The following COL1A1 variants were observed in gnomAD, a reference collection of about 807,000 sequenced individuals.
The protein encoded by COL1A1 is collagen alpha-1(I) chain.
In COL1A1, 21 loss-of-function variants were observed where a neutral mutation model predicts 195.7. The observed-to-expected ratio is 0.11, with a 90% CI of 0.08 to 0.15. COL1A1 has a LOEUF of 0.15. Among genes scored for constraint, COL1A1 ranks in the 10% least tolerant of loss-of-function variants. The pLI is 1.00. For missense variants in COL1A1, 1,365 were observed against 2,051.0 expected (o/e 0.67, Z 6.46); for synonymous variants, 749 against 747.3 (o/e 1.00, Z -0.04).
chr17:50,198,281 T>G, intron 6 of COL1A1, 76 bp from the exon 7 acceptor site: 10 of 1,583,264 alleles, frequency 6.3e-6, no homozygotes. Flanking sequence ...TTCATGCCTG[T>G]TGGGACCACC....
Position 50,192,553 on chromosome 17 carries a change from A to T in COL1A1, c.1930-25T>A, listed in dbSNP as rs765544656. 5 of 1,613,994 alleles carry T rather than the reference A, an allele frequency of 3.1e-6. No homozygotes were observed. The South Asian group carries it at 4.4e-5, about 14-fold the overall frequency. ...CCTGTAGGTGGGAAATGGGGGAAGA[A>T]GGGAGGGAAGGTTTAGAATCTGGAA... is the stretch of plus-strand genomic sequence containing the variant. On this transcript the variant is annotated intron_variant, in intron 28 of 50. Coordinates refer to ENST00000225964, the MANE Select transcript of COL1A1 (RefSeq NM_000088.4).
chr17:50,199,500 A>G, intron 3 of COL1A1, 47 bp from the exon 4 acceptor site: 1 of 1,614,152 alleles, frequency 6.2e-7, no homozygotes, highest in Non-Finnish European at 8.5e-7. Context: ...TAGAGAAGGG[A>G]GGACTGTGAG....
At position 50,197,200 on chromosome 17, in the gene COL1A1, G is replaced by T; in HGVS notation, c.730C>A (p.Arg244Ser). 4 of 1,613,456 alleles carry T rather than the reference G, an allele frequency of 2.5e-6. No individual in the cohort carries two copies. Among genetic ancestry groups the T allele is most frequent in the Non-Finnish European group, 3.4e-6 (4 of 1,180,014 alleles). The change falls in exon 10 of 51, where the codon CGT becomes AGT. Residue 244 changes from arginine to serine, a missense_variant. Arg to Ser is a moderately radical substitution (Grantham distance 110). Around this residue, in one of 5 missense-constraint regions of COL1A1, gnomAD observed 226 missense variants for 372.9 expected, o/e 0.61. Transcript: ENST00000225964. ...CTCACCTGAGGCCCAGGAGGCCCAC[G>T]CTCACCAGGACGACCAGGTTTTCCA... ...EAGKPGRPGE[R>S]GPPGPQGARG...
chr17:50,186,367 TGGG>T lies in COL1A1; in HGVS notation c.3952_3954del (p.Pro1318del), dbSNP rs1451296434. On this transcript the variant is annotated inframe_deletion, in exon 49 of 51. Coordinates refer to ENST00000225964, the MANE Select transcript of COL1A1 (RefSeq NM_000088.4). This position sits in a 1 kb window ranked among gnomAD's most constrained non-coding sequence, Gnocchi z 5.3. Reference sequence around the variant, plus strand: ...CCGAACCAGACATGCCTCTTGTCCTTGGGGTTCTTGCTGATGTACCAGTTCTTC... The same window carrying T: ...CCGAACCAGACATGCCTCTTGTCCTTGTTCTTGCTGATGTACCAGTTCTTC... 1.7e-5 allele frequency: 28 copies of T among 1,614,110 alleles called. No homozygotes were observed. The highest frequency in any genetic ancestry group is 2.4e-5 in the Non-Finnish European group (28 of 1,180,042).
At position 50,197,019 on chromosome 17, in the gene COL1A1, C is replaced by T. The variant is rs1907651576; in HGVS notation, c.795G>A (p.Lys265=). 1.2e-6 allele frequency: 2 copies of T among 1,614,058 alleles called. No individual in the cohort carries two copies. Among genetic ancestry groups the T allele is most frequent in the Non-Finnish European group, 1.7e-6 (2 of 1,179,970 alleles). Residue 265 remains lysine (K), a synonymous_variant, in exon 11 of 51, where the codon AAG becomes AAA. Transcript: ENST00000225964. ...LPGTAGLPGM[K]GHRGFSGLDG... ...CTCAAAGGTGACTCACTCTGTGTCC[C>T]TTCATTCCAGGGAGGCCAGCTGTTC...
intron 11 of COL1A1, 42 bp downstream of exon 11, chr17:50,196,968 G>A: frequency 6.2e-7 from 1 of 1,606,636 alleles, no homozygotes; most frequent in Non-Finnish European, 8.5e-7. Flanking sequence ...ATGGGGGTAT[G>A]CTAGGGACTT....
rs1906831500 is a variant in COL1A1 at position 50,189,085 on chromosome 17, A to C, written c.2938-75T>G. 1.3e-6 allele frequency: 2 copies of C among 1,581,522 alleles called. No individual in the cohort carries two copies. The highest frequency in any genetic ancestry group is 2.2e-5 in the East Asian group (1 of 44,684). The stretch of plus-strand genomic sequence containing the variant: ...TGAGTCCGCTGGAGTCATCTCTACC[A>C]AATCTGTTCTCCTTGGCTCCGCCCC... On this transcript the variant is annotated intron_variant, in intron 40 of 50. Transcript: ENST00000225964. This position sits in a 1 kb window ranked among gnomAD's most constrained non-coding sequence, Gnocchi z 5.5.
intron 25 of COL1A1, chr17:50,193,681 CTA>C (rs529004847): frequency 3.3e-4 from 153 of 460,324 alleles, no homozygotes; most frequent in African/African-American, 2.9e-3. Context: ...CGTGGTTTCA[CTA>C]TGTTGGCCCG....
intron 45 of COL1A1, 75 bp downstream of exon 45, chr17:50,187,801 G>A (rs1175790814): frequency 7.4e-7 from 1 of 1,347,768 alleles, no homozygotes; most frequent in African/African-American, 1.5e-5. Context: ...TATCCAGAGG[G>A]GGAAACTGAG....
chr17:50,201,041 A>G (rs749890086), intron 1 of COL1A1, among the ~76,000 whole-genome samples: 1 of 151,942 alleles, frequency 6.6e-6, no homozygotes, highest in Non-Finnish European at 1.5e-5. Context: ...GAATCATCCC[A>G]CGGCCTTCCT....
chr17:50,198,817 G>A, intron 5 of COL1A1: 1 of 444,490 alleles, frequency 2.2e-6, no homozygotes, highest in Non-Finnish European at 4.1e-6. Context: ...ACATAATCCT[G>A]GACTGGATCC....
chr17:50,195,767 T>C lies in COL1A1; in HGVS notation c.1057-102A>G, dbSNP rs567603023. ...GGAGACAGGGACAGGAGAGCAATGA[T>C]CAGGACTCTAAGATCAGAGACGGAG... On this transcript the variant is annotated intron_variant, in intron 16 of 50. Transcript: ENST00000225964. This position sits in a 1 kb window ranked among gnomAD's most constrained non-coding sequence, Gnocchi z 4.3. 1 of 1,373,824 alleles carries C rather than the reference T, an allele frequency of 7.3e-7. No homozygotes were observed. The highest frequency in any genetic ancestry group is 1.0e-6 in the Non-Finnish European group (1 of 981,432). The allele number at this position is 1,373,824 out of a possible 1,614,324, so 85.1% of individuals were successfully genotyped here. A position where few individuals can be genotyped will look rare whatever the true frequency, so the allele number is the denominator to read the frequency against.
In COL1A1 at chr17:50,186,728, G is replaced by C. The variant is rs768572265; in HGVS notation, c.3726C>G (p.Ile1242Met). 5 of 1,613,808 alleles carry C rather than the reference G, an allele frequency of 3.1e-6. No homozygotes were observed. The highest frequency in any genetic ancestry group is 3.4e-6 in the Non-Finnish European group (4 of 1,180,032). Reference protein sequence around the residue: ...DTTLKSLSQQIENIRSPEGSR... With the variant: ...DTTLKSLSQQMENIRSPEGSR... ...TGCCCTCTGGGCTCCGGATGTTCTC[G>C]ATCTGCTGGCTCAGGCTCTTGAGGG... is the stretch of plus-strand genomic sequence containing the variant. Residue 1242 changes from isoleucine to methionine, a missense_variant, in exon 48 of 51, where the codon ATC becomes ATG. By Grantham distance (10) the Ile-to-Met change is conservative. Transcript: ENST00000225964. The surrounding 1 kb of genome is among the most constrained non-coding windows in gnomAD (Gnocchi z 5.3).
At chr17:50,196,581 G>T (rs763131170) in intron 12 of COL1A1, 36 bp downstream of exon 12, 1 of 1,614,090 alleles carries the variant, frequency 6.2e-7, no homozygotes, top group East Asian at 2.2e-5. Flanking sequence ...GGACTCTGGG[G>T]ATGTGGAGGA....
Position 50,186,600 on chromosome 17 carries a change from C to A in COL1A1, c.3814+40G>T, listed in dbSNP as rs1416942959. The A allele has an allele frequency of 1.2e-6, 2 of 1,613,296 alleles. No individual in the cohort carries two copies. The highest frequency in any genetic ancestry group is 1.3e-5 in the African/African-American group (1 of 74,956). ...TATGGGCATGGGGACCCTGGCATGGCAGGAGTAGGAGGGAGGGAGAGGCTA... is the reference window on the plus strand; with the variant it reads ...TATGGGCATGGGGACCCTGGCATGGAAGGAGTAGGAGGGAGGGAGAGGCTA... On this transcript the variant is annotated intron_variant, in intron 48 of 50. Transcript: ENST00000225964. The surrounding 1 kb of genome is among the most constrained non-coding windows in gnomAD (Gnocchi z 5.3).
In COL1A1 at chr17:50,187,996, A is replaced by G. The variant is rs1397455723; in HGVS notation, c.3262-13T>C. Reference sequence around the variant, plus strand: ...GGCCTTGGGGTCCCTAGAAGAGAGAAAGGGACAAACTGTCAGGCGGAAGTT... The same window carrying G: ...GGCCTTGGGGTCCCTAGAAGAGAGAGAGGGACAAACTGTCAGGCGGAAGTT... On this transcript the variant is annotated splice_polypyrimidine_tract_variant and intron_variant, in intron 44 of 50. Coordinates refer to ENST00000225964, the MANE Select transcript of COL1A1 (RefSeq NM_000088.4). 41 of 1,613,934 alleles carry G rather than the reference A, an allele frequency of 2.5e-5. No individual in the cohort carries two copies. Among genetic ancestry groups the G allele is most frequent in the Non-Finnish European group, 3.3e-5 (39 of 1,179,940 alleles).
chr17:50,193,830 AGT>A (rs1247464537), intron 25 of COL1A1, 111 bp downstream of exon 25: 6 of 922,762 alleles, frequency 6.5e-6, no homozygotes, highest in African/African-American at 1.6e-5. Context: ...AGAAAGTGAG[AGT>A]GAGTGGCCAC....
rs41316697 is a variant in COL1A1, at chr17:50,188,462, G to T, written c.3207+68C>A. 3,230 of 1,457,704 alleles carry T rather than the reference G, an allele frequency of 2.2e-3. 52 individuals are homozygous for T. In the African/African-American group the frequency reaches 0.036, roughly 16 times the overall value. 90.3% of individuals were successfully genotyped at this position (1,457,704 alleles called of 1,614,324 possible). On this transcript the variant is annotated intron_variant, in intron 43 of 50. Transcript: ENST00000225964. This position sits in a 1 kb window ranked among gnomAD's most constrained non-coding sequence, Gnocchi z 5.6. ...GGGTGAAGTCCGACACCCATCCCCA[G>T]GCCTCTAAGGAGGCCTGAAGAGTCC... is the stretch of plus-strand genomic sequence containing the variant.
At position 50,199,264 on chromosome 17, in the gene COL1A1, CG is replaced by C. The variant is rs72667016; in HGVS notation, c.432del (p.Gly145AspfsTer120). On this transcript the variant is annotated frameshift_variant, in exon 5 of 51. Transcript: ENST00000225964. LOFTEE classifies it high-confidence loss of function. ...GGGGGTCCGGGAGGTCCGGGGGGTCCGGGGGGTCCGGGAAGTCCAGGCTGTC... is the reference window on the plus strand; with the variant it reads ...GGGGGTCCGGGAGGTCCGGGGGGTCCGGGGGTCCGGGAAGTCCAGGCTGTC... ...IPGQPGLPGP[P>X]GPPGPPGPPG... The C allele has an allele frequency of 6.7e-6, 10 of 1,498,698 alleles. No homozygotes were observed. The highest frequency in any genetic ancestry group is 2.6e-5 in the South Asian group (2 of 77,262). 92.8% of individuals were successfully genotyped at this position (1,498,698 alleles called of 1,614,324 possible).
Sources: allele counts gnomAD v4.1 joint callset (sites outside exome capture counted in the v4.1 genomes callset), GRCh38; gene constraint gnomAD v4.1.1; regional missense constraint gnomAD v4.1.1; non-coding constraint Gnocchi (gnomAD v3.1); transcripts MANE v1.5; gene names NCBI Gene and HGNC (gene_info 2026-07-23, HGNC 2026-07-21).